IL1RAPL1: variants seen among roughly 807,000 people sequenced by gnomAD.
The protein encoded by IL1RAPL1 is interleukin-1 receptor accessory protein-like 1.
A neutral mutation model predicts 48.4 loss-of-function variants in IL1RAPL1; 3 were observed. That is an observed-to-expected ratio of 0.06 (90% CI 0.03 to 0.16). The LOEUF (loss-of-function observed/expected upper bound fraction) is 0.16. Ranked by LOEUF, IL1RAPL1 falls within the 10% of genes least tolerant of loss-of-function variation. The probability of loss-of-function intolerance (pLI) is 1.00; values close to 1 mark genes in which losing one functional copy is unlikely to be tolerated. For missense variants in IL1RAPL1, 349 were observed against 530.6 expected (o/e 0.66, Z 3.36); for synonymous variants, 185 against 187.7 (o/e 0.99, Z 0.12).
At chrX:29,376,684 T>C (rs1009332469) in intron 3 of IL1RAPL1, among the ~76,000 whole-genome samples, 2 of 111,767 alleles carry the variant, frequency 1.8e-5, no homozygotes, top group African/African-American at 6.5e-5. Flanking sequence ...ATTTGTGTCG[T>C]TTTGAGAGAC....
chrX:29,918,237 TTAAA>T (rs1165070035), intron 7 of IL1RAPL1, among the ~76,000 whole-genome samples: 1 of 77,685 alleles, frequency 1.3e-5, no homozygotes, highest in African/African-American at 5.5e-5. Flanking sequence ...GACCTTTTTT[TTAAA>T]AAAAAAAAAA....
chrX:29,705,507 G>A (rs1442949090), intron 6 of IL1RAPL1, among the ~76,000 whole-genome samples: 2 of 112,496 alleles, frequency 1.8e-5, no homozygotes, highest in Non-Finnish European at 3.8e-5. Flanking sequence ...GAGCCACCAT[G>A]CCTATTGTCT....
At chrX:29,922,335 T>A (rs1932854763) in intron 8 of IL1RAPL1, among the ~76,000 whole-genome samples, 1 of 112,170 alleles carries the variant, frequency 8.9e-6, no homozygotes, top group South Asian at 3.7e-4. Flanking sequence ...GTTAGAGTAT[T>A]CTTCAGTACT....
chrX:29,201,575 T>C (rs1256832947), intron 2 of IL1RAPL1, among the ~76,000 whole-genome samples: 1 of 112,491 alleles, frequency 8.9e-6, no homozygotes, highest in East Asian at 2.8e-4. Context: ...ATAATGCATA[T>C]GCAAAAGACA....
At chrX:29,917,377 A>C in intron 6 of IL1RAPL1, 87 bp from the exon 7 acceptor site, 2 of 821,330 alleles carry the variant, frequency 2.4e-6, no homozygotes, top group Non-Finnish European at 3.6e-6. Flanking sequence ...AATCAATGAA[A>C]AGTGATCAAA....
At chrX:28,876,862 TTTTA>T (rs1297103044) in intron 2 of IL1RAPL1, among the ~76,000 whole-genome samples, 25 of 112,016 alleles carry the variant, frequency 2.2e-4, no homozygotes, top group Admixed American at 1.9e-3. Context: ...ATAAAACTGA[TTTTA>T]TTTATCAGTT....
chrX:29,771,741 G>T (rs1377676187), intron 6 of IL1RAPL1, among the ~76,000 whole-genome samples: 1 of 111,643 alleles, frequency 9.0e-6, no homozygotes, highest in East Asian at 2.8e-4. Context: ...TCCTTAAAAA[G>T]TGTCAAGAAC....
chrX:29,716,933 T>C (rs1303934147), intron 6 of IL1RAPL1, among the ~76,000 whole-genome samples: 1 of 111,236 alleles, frequency 9.0e-6, no homozygotes, highest in Non-Finnish European at 1.9e-5. Flanking sequence ...ACACTGAAAT[T>C]TTCTATTGAT....
intron 6 of IL1RAPL1, among the ~76,000 whole-genome samples, chrX:29,873,378 GCC>G (rs756692604): frequency 1.0e-5 from 1 of 99,744 alleles, no homozygotes; most frequent in African/African-American, 3.7e-5. Context: ...GGATGTTTGT[GCC>G]CCCCCCCCAA....
intron 2 of IL1RAPL1, among the ~76,000 whole-genome samples, chrX:28,828,248 C>T (rs1442929319): frequency 9.0e-6 from 1 of 111,506 alleles, no homozygotes; most frequent in Non-Finnish European, 1.9e-5. Flanking sequence ...ATATGAAGTC[C>T]CATCTCAGTG....
intron 2 of IL1RAPL1, among the ~76,000 whole-genome samples, chrX:29,255,124 TGTGTGTGTGTGTGTGTGC>T (rs1424832468): frequency 3.0e-5 from 1 of 33,672 alleles, no homozygotes; most frequent in Non-Finnish European, 1.2e-4. Flanking sequence ...CTAAGGTATT[TGTGTGTGTGTGTGTGTGC>T]GTGTGTGTGT....
chrX:29,719,743 CAAAA>C (rs372308075), intron 6 of IL1RAPL1, among the ~76,000 whole-genome samples: 3 of 21,894 alleles, frequency 1.4e-4, no homozygotes, highest in African/African-American at 3.8e-4. Flanking sequence ...GAAAGATGAG[CAAAA>C]AAAAAAAAAA....
intron 2 of IL1RAPL1, among the ~76,000 whole-genome samples, chrX:29,096,585 T>C (rs1046142552): frequency 9.0e-6 from 1 of 111,582 alleles, no homozygotes; most frequent in African/African-American, 3.2e-5. Flanking sequence ...TTGATCAGCT[T>C]GTTTTAAAAT....
At chrX:29,027,315 T>C (rs1204045443) in intron 2 of IL1RAPL1, among the ~76,000 whole-genome samples, 6 of 112,272 alleles carry the variant, frequency 5.3e-5, no homozygotes, top group South Asian at 7.3e-4. Flanking sequence ...AATAATTAGC[T>C]TTTTTCACTT....
intron 2 of IL1RAPL1, among the ~76,000 whole-genome samples, chrX:28,862,245 T>C (rs2147303071): frequency 8.9e-6 from 1 of 112,179 alleles, no homozygotes; most frequent in South Asian, 3.7e-4. Flanking sequence ...TGAACACTCA[T>C]AGGGGACTAT....
At chrX:28,890,518 T>C (rs1442590389) in intron 2 of IL1RAPL1, among the ~76,000 whole-genome samples, 1 of 112,076 alleles carries the variant, frequency 8.9e-6, no homozygotes, top group East Asian at 2.8e-4. Context: ...TATTATTATT[T>C]GCTTATTTTT....
chrX:29,953,418 T>C (rs1933354072), intron 9 of IL1RAPL1, among the ~76,000 whole-genome samples: 1 of 112,097 alleles, frequency 8.9e-6, no homozygotes, highest in African/African-American at 3.2e-5. Context: ...AGATGGTATA[T>C]TAGAAAAATT....
intron 2 of IL1RAPL1, among the ~76,000 whole-genome samples, chrX:29,065,604 A>C (rs1312981767): frequency 1.8e-5 from 2 of 111,582 alleles, no homozygotes; most frequent in Admixed American, 9.6e-5. Flanking sequence ...CCGTATTTTT[A>C]TGTTTCTCTT....
intron 2 of IL1RAPL1, among the ~76,000 whole-genome samples, chrX:28,852,750 G>A (rs1921695775): frequency 9.0e-6 from 1 of 111,475 alleles, no homozygotes; most frequent in African/African-American, 3.3e-5. Context: ...AGAATCCACA[G>A]AAGGGGTAAA....
Sources: gnomAD v4.1 joint callset for allele counts (sites outside exome capture counted in the v4.1 genomes callset) on GRCh38, gnomAD v4.1.1 for gene constraint, MANE v1.5 for transcripts, NCBI Gene and HGNC (gene_info 2026-07-23, HGNC 2026-07-21) for gene names.